The following NTM variants were observed in gnomAD, a reference collection of about 807,000 sequenced individuals.
NTM encodes neurotrimin.
NTM carries 13 observed loss-of-function variants against 42.1 expected under a neutral mutation model. The ratio of observed to expected loss-of-function variants is 0.31; its 90% confidence interval spans 0.20 to 0.49. The LOEUF (loss-of-function observed/expected upper bound fraction) is 0.49. Ranked by LOEUF, NTM falls within the 20% of genes least tolerant of loss-of-function variation. The pLI is 0.99. For missense variants in NTM, 373 were observed against 452.8 expected (o/e 0.82, Z 1.60); for synonymous variants, 187 against 179.2 (o/e 1.04, Z -0.35).
At chr11:131,471,357 G>C (rs1349498347) in intron 1 of NTM, among the ~76,000 whole-genome samples, 1 of 152,184 alleles carries the variant, frequency 6.6e-6, no homozygotes, top group Non-Finnish European at 1.5e-5. Context: ...ACTGTCCTAG[G>C]AGATTCAAGG....
chr11:131,819,956 T>C (rs956317464), intron 1 of NTM, among the ~76,000 whole-genome samples: 16 of 152,218 alleles, frequency 1.1e-4, no homozygotes, highest in Admixed American at 4.6e-4. Flanking sequence ...TCCCTGACAC[T>C]CGCCTTCGTG....
At chr11:132,104,186 AAG>A (rs2061975910) in intron 2 of NTM, among the ~76,000 whole-genome samples, 1 of 152,160 alleles carries the variant, frequency 6.6e-6, no homozygotes, top group African/African-American at 2.4e-5. Flanking sequence ...TGTGTGCCTT[AAG>A]AGCTGGGGCA....
At chr11:132,211,706 C>G (rs148708872) in intron 3 of NTM, 1 of 241,130 alleles carries the variant, frequency 4.1e-6, no homozygotes, top group African/African-American at 2.3e-5. Flanking sequence ...GAGGATGGCT[C>G]GTGGATATGT....
chr11:131,440,554 G>T (rs1479747584), intron 1 of NTM, among the ~76,000 whole-genome samples: 1 of 151,966 alleles, frequency 6.6e-6, no homozygotes, highest in East Asian at 1.9e-4. Flanking sequence ...CTAGGTCCCT[G>T]CCCCTTCACA....
At chr11:132,319,297 G>A (rs1025961479) in intron 7 of NTM, among the ~76,000 whole-genome samples, 1 of 152,204 alleles carries the variant, frequency 6.6e-6, no homozygotes, top group Admixed American at 6.5e-5. Flanking sequence ...AGCTCACCGT[G>A]TGCGAGCCGA....
chr11:131,667,258 G>A (rs1046532203), intron 1 of NTM, among the ~76,000 whole-genome samples: 5 of 152,090 alleles, frequency 3.3e-5, no homozygotes, highest in Admixed American at 6.5e-5. Context: ...CTGCTCTTCC[G>A]TGGGTTGTTC....
In NTM at chr11:132,003,832, T is replaced by G. The variant is rs1395696577; in HGVS notation, c.167+92184T>G. ...GAACCAGCTTCATTGAGATGTTGTTTAAAATTGATTTCTCACCTAGCCACA... is the reference window on the plus strand; with the variant it reads ...GAACCAGCTTCATTGAGATGTTGTTGAAAATTGATTTCTCACCTAGCCACA... On this transcript the variant is annotated intron_variant, in intron 2 of 8. Transcript: ENST00000683400. The surrounding 1 kb of genome is among the most constrained non-coding windows in gnomAD (Gnocchi z 6.0). Among the ~76,000 whole-genome samples the G allele has an allele frequency of 6.6e-6, 1 of 152,198 alleles. No homozygotes were observed. The highest frequency in any genetic ancestry group is 2.4e-5 in the African/African-American group (1 of 41,454).
chr11:132,298,813 A>G (rs756673351), intron 4 of NTM, among the ~76,000 whole-genome samples: 3 of 152,190 alleles, frequency 2.0e-5, no homozygotes, highest in African/African-American at 4.8e-5. Flanking sequence ...TTCAGTTCCA[A>G]CTATCAAATG....
At chr11:132,285,638 G>T (rs140216942) in intron 4 of NTM, among the ~76,000 whole-genome samples, 1 of 152,104 alleles carries the variant, frequency 6.6e-6, no homozygotes, top group Admixed American at 6.5e-5. Flanking sequence ...TATTCACAGC[G>T]GTTCCCCAGG....
At chr11:131,560,994 G>A (rs138240044) in intron 1 of NTM, among the ~76,000 whole-genome samples, 188 of 152,302 alleles carry the variant, frequency 1.2e-3, no homozygotes, top group African/African-American at 4.0e-3. Context: ...TCCGGGTGGC[G>A]TGCAAGATCA....
chr11:132,283,649 C>T (rs1452884412), intron 4 of NTM, among the ~76,000 whole-genome samples: 2 of 152,210 alleles, frequency 1.3e-5, no homozygotes, highest in Non-Finnish European at 2.9e-5. Context: ...AGAAAAGAAG[C>T]ATCCAGTTCT....
intron 2 of NTM, among the ~76,000 whole-genome samples, chr11:131,976,116 A>ATTCC (rs373955090): frequency 0.24 from 30,002 of 123,472 alleles, 3,832 homozygotes; most frequent in East Asian, 0.36. Flanking sequence ...TCCCTCCCTC[A>ATTCC]TTCCTTCCTT....
Position 131,903,844 on chromosome 11 carries a change from G to A in NTM, c.83-7720G>A, listed in dbSNP as rs375610685. ...CCCAGCCCTTTACTGAGCTGTCACC[G>A]TACTCTGAAATTGTTCCTTTAATTC... is the stretch of plus-strand genomic sequence containing the variant. On this transcript the variant is annotated intron_variant, in intron 1 of 8. Coordinates refer to ENST00000683400, the MANE Select transcript of NTM (RefSeq NM_001352005.2). 3.0e-4 allele frequency among the ~76,000 whole-genome samples: 45 copies of A among 152,288 alleles called. No homozygotes were observed. The East Asian group carries it at 7.7e-3, about 26-fold the overall frequency.
chr11:131,503,133 A>C (rs2047041007), intron 1 of NTM, among the ~76,000 whole-genome samples: 1 of 152,148 alleles, frequency 6.6e-6, no homozygotes, highest in East Asian at 1.9e-4. Flanking sequence ...TTGTGTGCAG[A>C]GTGTGCATGC....
intron 1 of NTM, among the ~76,000 whole-genome samples, chr11:131,704,176 T>C (rs1350808795): frequency 6.6e-6 from 1 of 152,146 alleles, no homozygotes; most frequent in Non-Finnish European, 1.5e-5. Flanking sequence ...TGGCTCTAGG[T>C]TCATCTCCAT....
intron 1 of NTM, chr11:131,767,378 C>A (rs533471822): frequency 6.6e-6 from 1 of 152,154 alleles, no homozygotes; most frequent in African/African-American, 2.4e-5. Flanking sequence ...GGCAACATAG[C>A]AAGATCCTGT....
chr11:132,073,649 T>A, intron 2 of NTM, among the ~76,000 whole-genome samples: 1 of 152,102 alleles, frequency 6.6e-6, no homozygotes, highest in South Asian at 2.1e-4. Context: ...AACTAACCAT[T>A]ATGGTCAATT....
rs75154545 is a variant in NTM at position 131,784,506 on chromosome 11, A to C, written c.83-127058A>C. Among the ~76,000 whole-genome samples the C allele has an allele frequency of 9.1e-3, 1,388 of 152,342 alleles. 12 individuals are homozygous for C. The highest frequency in any genetic ancestry group is 0.018 in the South Asian group (87 of 4,824). On this transcript the variant is annotated intron_variant, in intron 1 of 8. Transcript: ENST00000683400. ...CCAAAAAAACTAGATCTGAAAAAGA[A>C]CACATATGATTGCAATCATGTAAAG... is the stretch of plus-strand genomic sequence containing the variant.
intron 2 of NTM, among the ~76,000 whole-genome samples, chr11:131,915,954 T>C (rs2056283326): frequency 6.6e-6 from 1 of 152,164 alleles, no homozygotes; most frequent in Non-Finnish European, 1.5e-5. Context: ...AGCCAGACCA[T>C]ATCAGGCACT....
Sources: gnomAD v4.1 joint callset for allele counts (sites outside exome capture counted in the v4.1 genomes callset) on GRCh38, gnomAD v4.1.1 for gene constraint, Gnocchi (gnomAD v3.1) non-coding constraint, MANE v1.5 for transcripts, NCBI Gene and HGNC (gene_info 2026-07-23, HGNC 2026-07-21) for gene names.